The following RPTOR variants were observed in gnomAD, a reference collection of about 807,000 sequenced individuals.
The protein encoded by RPTOR is regulatory associated protein of MTOR complex 1, also known as regulatory-associated protein of mTOR.
RPTOR carries 21 observed loss-of-function variants against 169.9 expected under a neutral mutation model. The ratio of observed to expected loss-of-function variants is 0.12; its 90% CI spans 0.09 to 0.18. The LOEUF is 0.18. Among genes scored for constraint, RPTOR ranks in the 10% least tolerant of loss-of-function variants. The probability of loss-of-function intolerance (pLI) is 1.00; values close to 1 mark genes in which losing one functional copy is unlikely to be tolerated. For synonymous variants in RPTOR, 732 were observed against 753.2 expected (o/e 0.97, Z 0.46); for missense variants, 1,133 against 1,855.9 (o/e 0.61, Z 7.16).
chr17:80,791,606 A>G, intron 7 of RPTOR, 97 bp downstream of exon 7: 1 of 1,038,352 alleles, frequency 9.6e-7, no homozygotes, highest in Non-Finnish European at 1.4e-6. Flanking sequence ...TTCTATCAAC[A>G]TGGCATGTTC....
At chr17:80,587,750 A>ACG (rs55714720) in intron 1 of RPTOR, among the ~76,000 whole-genome samples, 1 of 100,136 alleles carries the variant, frequency 1.0e-5, no homozygotes, top group East Asian at 3.7e-4. Context: ...GAGCTTATTA[A>ACG]CAACCATCAC....
chr17:80,698,597 C>T (rs1244933981), intron 3 of RPTOR, among the ~76,000 whole-genome samples: 3 of 152,214 alleles, frequency 2.0e-5, no homozygotes, highest in African/African-American at 4.8e-5. Flanking sequence ...TCCTCAGCCT[C>T]GTCACCGTTT....
intron 2 of RPTOR, among the ~76,000 whole-genome samples, chr17:80,642,633 T>A (rs578144301): frequency 1.8e-4 from 27 of 152,378 alleles, no homozygotes; most frequent in Admixed American, 1.4e-3. Context: ...CAGTGAATTT[T>A]AATGTCATAG....
intron 5 of RPTOR, among the ~76,000 whole-genome samples, chr17:80,732,516 AT>A (rs1334206055): frequency 1.3e-5 from 2 of 152,230 alleles, no homozygotes; most frequent in Non-Finnish European, 2.9e-5. Flanking sequence ...GGAAAAAAAA[AT>A]GTTTGACTCA....
chr17:80,755,019 G>A lies in RPTOR; in HGVS notation c.830+834G>A, dbSNP rs140268425. ...CTCACCCACAGCCCTGGGCGGACAC[G>A]GGGAGCTAACAGCACAGCAAAGTAA... On this transcript the variant is annotated intron_variant, in intron 6 of 33. Coordinates refer to ENST00000306801, the MANE Select transcript of RPTOR (RefSeq NM_020761.3). Among the ~76,000 whole-genome samples the A allele has an allele frequency of 2.6e-3, 398 of 152,258 alleles. 2 individuals carry two copies. Among genetic ancestry groups the A allele is most frequent in the African/African-American group, 9.1e-3 (378 of 41,540 alleles).
chr17:80,700,078 G>C (rs1053736509), intron 3 of RPTOR, among the ~76,000 whole-genome samples: 1 of 152,198 alleles, frequency 6.6e-6, no homozygotes, highest in Non-Finnish European at 1.5e-5. Flanking sequence ...GAAAAGGTAG[G>C]AAGAAGGTTC....
At chr17:80,777,029 G>A (rs532639204) in intron 6 of RPTOR, among the ~76,000 whole-genome samples, 8 of 152,200 alleles carry the variant, frequency 5.3e-5, no homozygotes, top group East Asian at 1.9e-4. Flanking sequence ...ACCTGAGGTC[G>A]GGAGTTCAAG....
intron 5 of RPTOR, among the ~76,000 whole-genome samples, chr17:80,741,330 G>A (rs914734244): frequency 6.6e-6 from 1 of 152,158 alleles, no homozygotes; most frequent in Admixed American, 6.5e-5. Context: ...CAGGTGGAGG[G>A]CAGTGCAGGA....
At chr17:80,921,853 C>T (rs2068748590) in intron 21 of RPTOR, among the ~76,000 whole-genome samples, 1 of 152,168 alleles carries the variant, frequency 6.6e-6, no homozygotes, top group Admixed American at 6.5e-5. Context: ...CTCCCCAGGG[C>T]AGGTTTCAGC....
At chr17:80,583,430 A>G (rs2065033978) in intron 1 of RPTOR, among the ~76,000 whole-genome samples, 1 of 152,026 alleles carries the variant, frequency 6.6e-6, no homozygotes, top group Non-Finnish European at 1.5e-5. Flanking sequence ...ACCTCAAGTG[A>G]TCTGCAAGCC....
rs1281381827 is a variant in RPTOR at position 80,861,038 on chromosome 17, A to T, written c.1509+3138A>T. ...GAGAACGCTCCATAATGGTGACCTG[A>T]ATACCATATATTTCAGCAAAATATT... On this transcript the variant is annotated intron_variant, in intron 13 of 33. Coordinates refer to ENST00000306801, the MANE Select transcript of RPTOR (RefSeq NM_020761.3). This position sits in a 1 kb window ranked among gnomAD's most constrained non-coding sequence, Gnocchi z 4.5. 6.9e-6 allele frequency among the ~76,000 whole-genome samples: 1 copy of T among 144,738 alleles called. No homozygotes were observed. Among genetic ancestry groups the T allele is most frequent in the Non-Finnish European group, 1.6e-5 (1 of 63,980 alleles). 95.0% of individuals were successfully genotyped at this position (144,738 alleles called of 152,430 possible). A position where few individuals can be genotyped will look rare whatever the true frequency, so the allele number is the denominator to read the frequency against.
chr17:80,766,882 A>G (rs2066793086), intron 6 of RPTOR, among the ~76,000 whole-genome samples: 2 of 152,266 alleles, frequency 1.3e-5, no homozygotes, highest in Non-Finnish European at 1.5e-5. Flanking sequence ...GAAAAGAAAT[A>G]ATAAAGAGAA....
chr17:80,812,732 C>G (rs1217761727), intron 7 of RPTOR, among the ~76,000 whole-genome samples: 1 of 152,246 alleles, frequency 6.6e-6, no homozygotes, highest in Non-Finnish European at 1.5e-5. Context: ...CGAACATACA[C>G]ACAGCCTTTC....
At position 80,845,967 on chromosome 17, in the gene RPTOR, G is replaced by GCGGCCCCAGCT. The variant is rs1329083634; in HGVS notation, c.1213-504_1213-494dup. Among the ~76,000 whole-genome samples the GCGGCCCCAGCT allele has an allele frequency of 4.0e-4, 61 of 151,952 alleles. No individual in the cohort carries two copies. The highest frequency in any genetic ancestry group is 1.4e-3 in the African/African-American group (56 of 41,406). On this transcript the variant is annotated intron_variant, in intron 10 of 33. Transcript: ENST00000306801. This position sits in a 1 kb window ranked among gnomAD's most constrained non-coding sequence, Gnocchi z 5.4. ...CTGCCGGGCCCTCACCGGCCCCAGC[G>GCGGCCCCAGCT]CGGCCCCAGCTCATCTCCTTGGTCT...
chr17:80,588,018 G>A (rs886088312), intron 1 of RPTOR, among the ~76,000 whole-genome samples: 1 of 152,050 alleles, frequency 6.6e-6, no homozygotes, highest in African/African-American at 2.4e-5. Context: ...GTGACATCAT[G>A]TGGTGTTTGT....
chr17:80,669,739 C>A (rs899797773), intron 3 of RPTOR, among the ~76,000 whole-genome samples: 3 of 152,262 alleles, frequency 2.0e-5, no homozygotes, highest in Non-Finnish European at 4.4e-5. Flanking sequence ...CTGGTGACCC[C>A]CAGACCTCTC....
At chr17:80,758,792 A>G (rs915095853) in intron 6 of RPTOR, among the ~76,000 whole-genome samples, 15 of 152,004 alleles carry the variant, frequency 9.9e-5, no homozygotes, top group African/African-American at 1.4e-4. Context: ...TGGGCTGGAT[A>G]CTGTATTTGG....
chr17:80,713,615 G>A (rs1385277935), intron 4 of RPTOR, among the ~76,000 whole-genome samples: 1 of 152,144 alleles, frequency 6.6e-6, no homozygotes, highest in East Asian at 1.9e-4. Context: ...GTAAAAGAAA[G>A]GGAAACGATA....
chr17:80,815,747 A>T (rs1191774114), intron 7 of RPTOR, among the ~76,000 whole-genome samples: 1 of 152,242 alleles, frequency 6.6e-6, no homozygotes, highest in African/African-American at 2.4e-5. Flanking sequence ...AGCACCAAAG[A>T]AATTTAGAGG....
Sources: gnomAD v4.1 joint callset for allele counts (sites outside exome capture counted in the v4.1 genomes callset) on GRCh38, gnomAD v4.1.1 for gene constraint, Gnocchi (gnomAD v3.1) non-coding constraint, MANE v1.5 for transcripts, NCBI Gene and HGNC (gene_info 2026-07-23, HGNC 2026-07-21) for gene names.